The following UNC5D variants were observed in gnomAD, a reference collection of about 807,000 sequenced individuals.
UNC5D encodes the protein netrin receptor UNC5D.
Under a neutral mutation model 105.4 loss-of-function variants are expected in UNC5D, and 39 were observed. The ratio of observed to expected loss-of-function variants is 0.37; its 90% CI spans 0.29 to 0.48. The LOEUF (loss-of-function observed/expected upper bound fraction) is 0.48, where lower values mean the gene tolerates loss of function less well. UNC5D is among the 20% of genes least tolerant of loss of function. UNC5D has a pLI of 0.98. For missense variants in UNC5D, 991 were observed against 1,202.4 expected (o/e 0.82, Z 2.60); for synonymous variants, 452 against 450.4 (o/e 1.00, Z -0.04).
chr8:35,585,372 G>C (rs1818718820), intron 3 of UNC5D, among the ~76,000 whole-genome samples: 1 of 152,184 alleles, frequency 6.6e-6, no homozygotes, highest in Non-Finnish European at 1.5e-5. Context: ...AGAGAAGAGA[G>C]TGCATGGAGA....
intron 1 of UNC5D, among the ~76,000 whole-genome samples, chr8:35,343,367 C>T (rs1811590270): frequency 6.6e-6 from 1 of 152,044 alleles, no homozygotes; most frequent in South Asian, 2.1e-4. Flanking sequence ...TTAATCTTTG[C>T]TAACCTGATG....
At chr8:35,401,892 C>A (rs1040706730) in intron 1 of UNC5D, among the ~76,000 whole-genome samples, 4 of 152,176 alleles carry the variant, frequency 2.6e-5, no homozygotes, top group Non-Finnish European at 5.9e-5. Flanking sequence ...TGCCATCTTT[C>A]CTGCTTACTT....
chr8:35,292,193 T>C (rs1398660657), intron 1 of UNC5D, among the ~76,000 whole-genome samples: 1 of 152,206 alleles, frequency 6.6e-6, no homozygotes, highest in Non-Finnish European at 1.5e-5. Flanking sequence ...TTTTCTTGAT[T>C]TGTCTCATTT....
chr8:35,266,359 G>A (rs1273027796), intron 1 of UNC5D, among the ~76,000 whole-genome samples: 1 of 152,154 alleles, frequency 6.6e-6, no homozygotes, highest in African/African-American at 2.4e-5. Flanking sequence ...ACCATATATA[G>A]TAAATACTGT....
chr8:35,485,098 C>G (rs1810740800), intron 1 of UNC5D, among the ~76,000 whole-genome samples: 1 of 152,078 alleles, frequency 6.6e-6, no homozygotes, highest in African/African-American at 2.4e-5. Flanking sequence ...GATCGCTCTC[C>G]CCTACAGTAG....
intron 4 of UNC5D, among the ~76,000 whole-genome samples, chr8:35,673,902 G>A (rs138787874): frequency 7.4e-4 from 112 of 152,180 alleles, no homozygotes; most frequent in Non-Finnish European, 1.0e-3. Flanking sequence ...TCATGGGTAC[G>A]TGCTGCACCC....
chr8:35,650,366 A>G (rs1823331144), intron 4 of UNC5D, among the ~76,000 whole-genome samples: 2 of 152,166 alleles, frequency 1.3e-5, no homozygotes, highest in African/African-American at 4.8e-5. Flanking sequence ...AGCAGTTTCT[A>G]ATATGATAGA....
chr8:35,538,395 TTATATATATATATA>T (rs10524805), intron 1 of UNC5D, among the ~76,000 whole-genome samples: 2,875 of 82,394 alleles, frequency 0.035, 71 homozygotes, highest in Admixed American at 0.084. Context: ...AAAAAAATAA[TTATATATATATATA>T]TATATATATA....
chr8:35,512,535 GTATGTATATATATATATATATATA>G (rs1812812231), intron 1 of UNC5D, among the ~76,000 whole-genome samples: 1 of 33,448 alleles, frequency 3.0e-5, no homozygotes, highest in African/African-American at 2.2e-4. Flanking sequence ...ATTCAGATAT[GTATGTATATATATATATATATATA>G]TATATATATA....
intron 1 of UNC5D, among the ~76,000 whole-genome samples, chr8:35,534,091 A>G (rs1356218118): frequency 3.9e-5 from 6 of 152,172 alleles, no homozygotes; most frequent in Non-Finnish European, 5.9e-5. Context: ...GGTTGTTTTT[A>G]TAGTTGATAT....
chr8:35,259,193 A>G (rs2128819679), intron 1 of UNC5D, among the ~76,000 whole-genome samples: 1 of 152,292 alleles, frequency 6.6e-6, no homozygotes, highest in South Asian at 2.1e-4. Flanking sequence ...AGAGAAGAAA[A>G]GCCAGTGTAT....
chr8:35,363,168 C>T (rs564143503), intron 1 of UNC5D, among the ~76,000 whole-genome samples: 11 of 151,996 alleles, frequency 7.2e-5, no homozygotes, highest in Admixed American at 3.3e-4. Flanking sequence ...AAGACATACC[C>T]GAGACTGGGC....
chr8:35,357,695 TGCC>T (rs2098654941), intron 1 of UNC5D, among the ~76,000 whole-genome samples: 1 of 152,154 alleles, frequency 6.6e-6, no homozygotes. Flanking sequence ...CCTAGAACGG[TGCC>T]TGGTAAATCC....
chr8:35,768,389 T>C (rs1801866492), intron 15 of UNC5D, among the ~76,000 whole-genome samples: 1 of 152,180 alleles, frequency 6.6e-6, no homozygotes, highest in Non-Finnish European at 1.5e-5. Context: ...AGGGGCTCTT[T>C]CTTGAACAGT....
intron 1 of UNC5D, among the ~76,000 whole-genome samples, chr8:35,489,939 G>A (rs998688489): frequency 1.3e-5 from 2 of 151,928 alleles, no homozygotes; most frequent in African/African-American, 2.4e-5. Context: ...TTTATTTTTT[G>A]GTCGAAGATG....
At chr8:35,594,357 A>G (rs1420471866) in intron 3 of UNC5D, among the ~76,000 whole-genome samples, 4 of 152,236 alleles carry the variant, frequency 2.6e-5, no homozygotes, top group Non-Finnish European at 5.9e-5. Flanking sequence ...TATTTATACA[A>G]TTTATAAAGA....
chr8:35,494,458 ATT>A (rs1281675252), intron 1 of UNC5D, among the ~76,000 whole-genome samples: 1 of 152,268 alleles, frequency 6.6e-6, no homozygotes, highest in African/African-American at 2.4e-5. Context: ...CTGCTACAAT[ATT>A]TTTTGTTACT....
intron 1 of UNC5D, among the ~76,000 whole-genome samples, chr8:35,290,974 A>G (rs1377555247): frequency 6.6e-6 from 1 of 151,098 alleles, no homozygotes; most frequent in African/African-American, 2.4e-5. Context: ...AAGAGGTGTG[A>G]CTAGAAAGAG....
At chr8:35,290,943 C>A in intron 1 of UNC5D, among the ~76,000 whole-genome samples, 3 of 140,346 alleles carry the variant, frequency 2.1e-5, no homozygotes, top group Admixed American at 7.2e-5. Flanking sequence ...AGCGAGACTC[C>A]ATCTCAAAAA....
Sources: allele counts gnomAD v4.1 joint callset (sites outside exome capture counted in the v4.1 genomes callset), GRCh38; gene constraint gnomAD v4.1.1; transcripts MANE v1.5; gene names NCBI Gene and HGNC (gene_info 2026-07-23, HGNC 2026-07-21).